The following RTL4 variants were observed in gnomAD, a reference collection of about 807,000 sequenced individuals.
The protein encoded by RTL4 is retrotransposon Gag-like protein 4.
In RTL4, 4 loss-of-function variants were observed where a neutral mutation model predicts 5.3. The ratio of observed to expected loss-of-function variants is 0.75; its 90% CI spans 0.37 to 1.72. RTL4 has a LOEUF of 1.72. Ranked by LOEUF, RTL4 falls within the 40% of genes most tolerant of loss-of-function variation. The pLI, the probability that RTL4 is intolerant of heterozygous loss-of-function variation, is 0.04. For synonymous variants in RTL4, 98 were observed against 87.3 expected (o/e 1.12, Z -0.68); for missense variants, 260 against 227.1 (o/e 1.14, Z -0.93).
the RTL4 span, among the ~76,000 whole-genome samples, chrX:112,225,032 T>A: frequency 8.9e-6 from 1 of 112,200 alleles, no homozygotes; most frequent in East Asian, 2.8e-4. Context: ...AGGTAATTAC[T>A]AATATTAACT....
the RTL4 span, among the ~76,000 whole-genome samples, chrX:112,436,250 G>A: frequency 5.4e-5 from 6 of 110,570 alleles, no homozygotes; most frequent in Admixed American, 5.8e-4. Context: ...TACCATACTA[G>A]AGGTTTCTTC....
chrX:112,273,170 C>A, the RTL4 span, among the ~76,000 whole-genome samples: 4 of 111,530 alleles, frequency 3.6e-5, no homozygotes, highest in Non-Finnish European at 7.5e-5. Context: ...AGCTGGGTCA[C>A]TTTGAACAAG....
chrX:112,297,501 A>G, the RTL4 span, among the ~76,000 whole-genome samples: 2 of 111,035 alleles, frequency 1.8e-5, no homozygotes, highest in South Asian at 3.9e-4. Flanking sequence ...TGAGAACTCT[A>G]TTACGAGACG....
chrX:112,192,469 C>T, the RTL4 span, among the ~76,000 whole-genome samples: 2 of 110,974 alleles, frequency 1.8e-5, no homozygotes, highest in Non-Finnish European at 3.8e-5. Context: ...ACAGCACTGC[C>T]TTTTTTGTGT....
At chrX:112,359,623 A>G in the RTL4 span, among the ~76,000 whole-genome samples, 1 of 110,778 alleles carries the variant, frequency 9.0e-6, no homozygotes, top group African/African-American at 3.3e-5. Context: ...TGGGTCTTCC[A>G]CTCCTTATAC....
the RTL4 span, among the ~76,000 whole-genome samples, chrX:112,429,796 G>T: frequency 3.6e-5 from 4 of 110,108 alleles, no homozygotes; most frequent in East Asian, 1.1e-3. Context: ...ACTTTCAAAG[G>T]ATAATTTTAC....
At chrX:112,286,684 A>G in the RTL4 span, among the ~76,000 whole-genome samples, 1 of 111,644 alleles carries the variant, frequency 9.0e-6, no homozygotes, top group African/African-American at 3.3e-5. Context: ...CAAGTCAGAA[A>G]CCTAGAAGTC....
At chrX:112,185,402 TAC>T in the RTL4 span, among the ~76,000 whole-genome samples, 249 of 97,806 alleles carry the variant, frequency 2.5e-3, 1 homozygote, top group African/African-American at 8.9e-3. Flanking sequence ...TATATATATA[TAC>T]ACACACACAC....
the RTL4 span, among the ~76,000 whole-genome samples, chrX:112,427,494 A>T: frequency 1.8e-5 from 2 of 111,272 alleles, no homozygotes; most frequent in Admixed American, 1.9e-4. Context: ...CTAACATCAT[A>T]CTTAATATGA....
the RTL4 span, among the ~76,000 whole-genome samples, chrX:112,340,514 G>T: frequency 2.1e-5 from 2 of 96,578 alleles, no homozygotes; most frequent in Non-Finnish European, 3.9e-5. Flanking sequence ...AAATATCTGA[G>T]AAGCTAAGTC....
At chrX:112,113,557 C>T in the RTL4 span, among the ~76,000 whole-genome samples, 1 of 110,906 alleles carries the variant, frequency 9.0e-6, no homozygotes, top group Non-Finnish European at 1.9e-5. Context: ...TTTCCTAGCC[C>T]TCAATGGTTA....
chrX:112,192,445 G>A, the RTL4 span, among the ~76,000 whole-genome samples: 1 of 110,785 alleles, frequency 9.0e-6, no homozygotes, highest in Non-Finnish European at 1.9e-5. Flanking sequence ...CGTCATTTTT[G>A]TTCCTCAGTT....
At chrX:112,228,965 T>C in the RTL4 span, among the ~76,000 whole-genome samples, 3 of 112,079 alleles carry the variant, frequency 2.7e-5, no homozygotes, top group Non-Finnish European at 1.9e-5. Context: ...CTAATAAAGA[T>C]AAAACACCAG....
chrX:112,438,085 C>T, the RTL4 span, among the ~76,000 whole-genome samples: 1 of 111,220 alleles, frequency 9.0e-6, no homozygotes, highest in South Asian at 3.8e-4. Context: ...AAAACAACAA[C>T]CAACATTTGT....
the RTL4 span, among the ~76,000 whole-genome samples, chrX:112,376,416 A>C: frequency 9.0e-6 from 1 of 111,615 alleles, no homozygotes; most frequent in African/African-American, 3.3e-5. Context: ...CTTATGATGG[A>C]TCCACAGACC....
chrX:112,290,661 T>C, the RTL4 span, among the ~76,000 whole-genome samples: 1 of 112,638 alleles, frequency 8.9e-6, no homozygotes, highest in Non-Finnish European at 1.9e-5. Flanking sequence ...TCAATAAGCT[T>C]AGACACATAG....
the RTL4 span, among the ~76,000 whole-genome samples, chrX:112,157,064 T>TGTGTGTG: frequency 1.0e-5 from 1 of 96,583 alleles, no homozygotes; most frequent in African/African-American, 3.8e-5. Context: ...GTTATACTGT[T>TGTGTGTG]TGTGTGTGTG....
the RTL4 span, among the ~76,000 whole-genome samples, chrX:112,363,960 G>T: frequency 9.0e-6 from 1 of 111,189 alleles, no homozygotes; most frequent in Non-Finnish European, 1.9e-5. Context: ...AAGGCTCTTT[G>T]CTTTAGTTAA....
At chrX:112,098,225 T>A in the RTL4 span, among the ~76,000 whole-genome samples, 1 of 107,738 alleles carries the variant, frequency 9.3e-6, no homozygotes, top group Non-Finnish European at 1.9e-5. Flanking sequence ...TTTTTTCTCC[T>A]TGTGATAGTT....
Sources: gnomAD v4.1 joint callset for allele counts (sites outside exome capture counted in the v4.1 genomes callset) on GRCh38, gnomAD v4.1.1 for gene constraint, MANE v1.5 for transcripts, NCBI Gene and HGNC (gene_info 2026-07-23, HGNC 2026-07-21) for gene names.